NOC4L: variants seen among roughly 807,000 people sequenced by gnomAD.
NOC4L encodes nucleolar complex associated 4 homolog, also known as nucleolar complex protein 4 homolog.
Under a neutral mutation model 62.8 loss-of-function variants are expected in NOC4L, and 40 were observed. The observed-to-expected ratio is 0.64, with a 90% CI of 0.49 to 0.83. The LOEUF (loss-of-function observed/expected upper bound fraction) is 0.83, where lower values mean the gene tolerates loss of function less well. Ranked by LOEUF, NOC4L falls within the 40% of genes least tolerant of loss-of-function variation. NOC4L has a pLI of 0.00. For synonymous variants in NOC4L, 433 were observed against 299.8 expected (o/e 1.44, Z -4.59); for missense variants, 927 against 701.9 (o/e 1.32, Z -3.62).
rs542340436 is a variant in NOC4L at position 132,152,292 on chromosome 12, G to A, written c.1442G>A (p.Arg481Gln). ...CTTTGTGCTTTGCAGATCTTTGAGC[G>A]GGACCTGAAGAAGAAGGGGCCCGAG... Reference protein sequence around the residue: ...LELTAYEIFERDLKKKGPEPV... With the variant: ...LELTAYEIFEQDLKKKGPEPV... The change falls in exon 15 of 15, where the codon CGG becomes CAG. Residue 481 changes from arginine to glutamine, a missense_variant. Physicochemically the swap from Arg to Gln is conservative, Grantham distance 43. Coordinates refer to ENST00000330579, the MANE Select transcript of NOC4L (RefSeq NM_024078.3). 63 of 1,563,694 alleles carry A rather than the reference G, an allele frequency of 4.0e-5. No homozygotes were observed. Among genetic ancestry groups the A allele is most frequent in the Admixed American group, 1.3e-4 (7 of 52,754 alleles).
rs775210227 is a variant in NOC4L, at chr12:132,147,874, C to A, written c.604-6C>A. ...GGCGTCCAGGCACTCAGGCCAGGCT[C>A]CGCAGGTGCCCCCCGCCTTTTGGAA... is the stretch of plus-strand genomic sequence containing the variant. On this transcript the variant is annotated splice_region_variant and splice_polypyrimidine_tract_variant and intron_variant, in intron 5 of 14. Coordinates refer to ENST00000330579, the MANE Select transcript of NOC4L (RefSeq NM_024078.3). The A allele has an allele frequency of 3.1e-6, 5 of 1,609,444 alleles. No individual in the cohort carries two copies. The highest frequency in any genetic ancestry group is 3.4e-6 in the Non-Finnish European group (4 of 1,179,550).
At chr12:132,152,010 C>G (rs1210258263) in intron 13 of NOC4L, 74 bp from the exon 14 acceptor site, 2 of 1,426,340 alleles carry the variant, frequency 1.4e-6, no homozygotes, top group African/African-American at 2.9e-5. Flanking sequence ...TGGTTGGGAG[C>G]ACAGGGAGGC....
chr12:132,147,501 C>G (rs1433830347), intron 4 of NOC4L, 113 bp downstream of exon 4: 3 of 1,433,530 alleles, frequency 2.1e-6, no homozygotes, highest in African/African-American at 1.4e-5. Flanking sequence ...GGCTGGGACA[C>G]TCCTGTGGCT....
At position 132,151,112 on chromosome 12, in the gene NOC4L, C is replaced by T. The variant is rs1011499847; in HGVS notation, c.962+71C>T. ...CCTGCTCCTCTGTCCCCTTCCCACC[C>T]TGCCCCACGGGGTCCCCGCTTTCCT... On this transcript the variant is annotated intron_variant, in intron 10 of 14. Transcript: ENST00000330579. The T allele has an allele frequency of 4.0e-6, 6 of 1,494,930 alleles. No individual in the cohort carries two copies. In the African/African-American group the frequency reaches 4.1e-5, roughly 10 times the overall value. 92.6% of individuals were successfully genotyped at this position (1,494,930 alleles called of 1,614,324 possible).
intron 10 of NOC4L, 79 bp downstream of exon 10, chr12:132,151,120 C>T (rs575638590): frequency 1.5e-5 from 22 of 1,466,120 alleles, no homozygotes; most frequent in Admixed American, 5.2e-5. Flanking sequence ...CCCTGCCCCA[C>T]GGGGTCCCCG....
In NOC4L at chr12:132,148,790, C is replaced by G. The variant is rs1897829246; in HGVS notation, c.796C>G (p.Leu266Val). Residue 266 changes from leucine (L) to valine (V), a missense_variant, in exon 9 of 15, where the codon CTC (leucine) becomes GTC (valine). Physicochemically the swap from Leu to Val is conservative, Grantham distance 32. Coordinates refer to ENST00000330579, the MANE Select transcript of NOC4L (RefSeq NM_024078.3). The part of the protein sequence containing the change: ...WLSFLKHKLP[L>V]SLYKKVLLIV... ...CCTGCCGGCCCCCGCCCAGCTGCCC[C>G]TCAGCCTCTACAAGAAGGTGCTGCT... The G allele has an allele frequency of 3.8e-6, 6 of 1,585,364 alleles. No homozygotes were observed. The highest frequency in any genetic ancestry group is 1.4e-5 in the African/African-American group (1 of 73,836).
Position 132,151,808 on chromosome 12 carries a change from G to A in NOC4L, c.1305G>A (p.Leu435=). ...AGAGCCGGGCCTTGGAGAGCTCCCTGTGGGAGCTTCAGGTGAGGGCGCTGC... is the reference window on the plus strand; with the variant it reads ...AGAGCCGGGCCTTGGAGAGCTCCCTATGGGAGCTTCAGGTGAGGGCGCTGC... ...PAQSRALESS[L]WELQALQRHY... The change falls in exon 13 of 15, where the codon CTG becomes CTA. Residue 435 remains leucine, a synonymous_variant. Transcript: ENST00000330579. The A allele has an allele frequency of 1.2e-6, 2 of 1,611,794 alleles. No homozygotes were observed. Among genetic ancestry groups the A allele is most frequent in the South Asian group, 1.1e-5 (1 of 91,080 alleles).
At position 132,151,286 on chromosome 12, in the gene NOC4L, T is replaced by C; in HGVS notation, c.991T>C (p.Tyr331His). ...LEYPDFYRKL[Y>H]GLLDPSVFHV... is the part of the protein sequence containing the mutation. Reference sequence around the variant, plus strand: ...GTACCCTGACTTCTACCGGAAGCTCTACGGCCTCTTGGACCCCTCTGTCTT... The same window carrying C: ...GTACCCTGACTTCTACCGGAAGCTCCACGGCCTCTTGGACCCCTCTGTCTT... The change falls in exon 11 of 15, where the codon TAC (tyrosine) becomes CAC (histidine). Residue 331 changes from tyrosine to histidine, a missense_variant. Coordinates refer to ENST00000330579, the MANE Select transcript of NOC4L (RefSeq NM_024078.3). 1 of 1,611,992 alleles carries C rather than the reference T, an allele frequency of 6.2e-7. No homozygotes were observed. The highest frequency in any genetic ancestry group is 8.5e-7 in the Non-Finnish European group (1 of 1,179,938).
rs371010413 is a variant in NOC4L at position 132,150,982 on chromosome 12, G to T, written c.903G>T (p.Gly301=). The part of the protein sequence containing the change: ...IDFLTRACDL[G]GALSLLALNG... ...CAGCCTGTGTCTGTCTGTCTGCAGG[G>T]GGGGCCCTCAGCCTCTTGGCCTTGA... is the stretch of plus-strand genomic sequence containing the variant. The change falls in exon 10 of 15, where the codon GGG becomes GGT. Residue 301 remains glycine (G), a splice_region_variant and synonymous_variant. Transcript: ENST00000330579. The T allele has an allele frequency of 3.1e-6, 5 of 1,607,608 alleles. No homozygotes were observed. The highest frequency in any genetic ancestry group is 2.7e-5 in the African/African-American group (2 of 74,786).
chr12:132,145,520 TGGGCCTC>T, intron 2 of NOC4L, 32 bp from the exon 3 acceptor site: 1 of 1,392,782 alleles, frequency 7.2e-7, no homozygotes, highest in Non-Finnish European at 1.0e-6. Flanking sequence ...GTGGCGTATG[TGGGCCTC>T]ACGTGGGCTG....
Position 132,150,637 on chromosome 12 carries a change from C to T in NOC4L, c.902-344C>T, listed in dbSNP as rs1489382250. ...TGCCGCCGCCTCGCTCATACCACACCCCTAATCCCCTCGGTGAGTGCCGCC... is the reference window on the plus strand; with the variant it reads ...TGCCGCCGCCTCGCTCATACCACACTCCTAATCCCCTCGGTGAGTGCCGCC... On this transcript the variant is annotated intron_variant, in intron 9 of 14. Transcript: ENST00000330579. Among the ~76,000 whole-genome samples, 9 of 1,510 alleles carry T rather than the reference C, an allele frequency of 6.0e-3. 4 individuals are homozygous for T. In the South Asian group the frequency reaches 0.062, roughly 10 times the overall value. 1.0% of individuals were successfully genotyped at this position (1,510 alleles called of 152,430 possible). A position where few individuals can be genotyped will look rare whatever the true frequency, so the allele number is the denominator to read the frequency against.
Position 132,151,452 on chromosome 12 carries a change from G to A in NOC4L, c.1074-32G>A, listed in dbSNP as rs200991232. The A allele has an allele frequency of 1.5e-4, 234 of 1,599,818 alleles. 1 individual carries two copies. The Middle Eastern group carries it at 2.0e-3, about 14-fold the overall frequency. On this transcript the variant is annotated intron_variant, in intron 11 of 14. Transcript: ENST00000330579. ...GGAGGGTGGTGGGGGCTAGCAGTCCGGGCCCTGTCTCACAACCACTGCCCT... is the reference window on the plus strand; with the variant it reads ...GGAGGGTGGTGGGGGCTAGCAGTCCAGGCCCTGTCTCACAACCACTGCCCT...
Position 132,144,591 on chromosome 12 carries a change from CT to C in NOC4L, c.104del (p.Leu35ArgfsTer44). 1 of 1,520,956 alleles carries C rather than the reference CT, an allele frequency of 6.6e-7. No individual in the cohort carries two copies. The highest frequency in any genetic ancestry group is 1.4e-5 in the African/African-American group (1 of 71,580). The allele number at this position is 1,520,956 out of a possible 1,614,324, so 94.2% of individuals were successfully genotyped here. On this transcript the variant is annotated frameshift_variant, in exon 1 of 15. Transcript: ENST00000330579. LOFTEE classifies it high-confidence loss of function. Reference protein sequence around the residue: ...RSEANAVFDILAVLQSEDQEE... With the variant: ...RSEANAVFDIXAVLQSEDQEE... ...TGAGGCCAACGCCGTGTTCGACATCCTGGCCGTGCTGCAGGTGGGCCTGGCG... is the reference window on the plus strand; with the variant it reads ...TGAGGCCAACGCCGTGTTCGACATCCGGCCGTGCTGCAGGTGGGCCTGGCG...
chr12:132,151,588 A>T lies in NOC4L; in HGVS notation c.1178A>T (p.Asn393Ile). 6.2e-7 allele frequency: 1 copy of T among 1,610,978 alleles called. No individual in the cohort carries two copies. Among genetic ancestry groups the T allele is most frequent in the East Asian group, 2.2e-5 (1 of 44,794 alleles). ...CTCATGGTCCTGCCTTTCATCTGTA[A>T]CCTGCTGCGCCGGCACCCTGCCTGC... ...ALLMVLPFICNLLRRHPACRV... is the reference protein window; with the variant it reads ...ALLMVLPFICILLRRHPACRV... Residue 393 changes from asparagine (N) to isoleucine (I), a missense_variant, in exon 12 of 15, where the codon AAC becomes ATC. Physicochemically the swap from Asn to Ile is moderately radical, Grantham distance 149 (BLOSUM62 -3). Transcript: ENST00000330579.
chr12:132,146,264 C>T (rs1170790425), intron 3 of NOC4L: 12 of 455,878 alleles, frequency 2.6e-5, no homozygotes, highest in South Asian at 9.3e-5. Flanking sequence ...GGGGATCATA[C>T]GGTATGTGGC....
chr12:132,151,739 G>A lies in NOC4L; in HGVS notation c.1236G>A (p.Glu412=). Residue 412 remains glutamate (E), a splice_region_variant and synonymous_variant, in exon 13 of 15, where the codon GAG becomes GAA. Coordinates refer to ENST00000330579, the MANE Select transcript of NOC4L (RefSeq NM_024078.3). ...RVLVHRPHGP[E]LDADPYDPGE... ...CAAGGGCCCACGTCTCATTCCTAGA[G>A]TTGGACGCCGACCCCTACGACCCTG... 6.2e-7 allele frequency: 1 copy of A among 1,612,454 alleles called. No individual in the cohort carries two copies. Among genetic ancestry groups the A allele is most frequent in the Non-Finnish European group, 8.5e-7 (1 of 1,179,834 alleles).
intron 1 of NOC4L, 27 bp downstream of exon 1, chr12:132,144,632 G>A: frequency 1.4e-6 from 2 of 1,479,574 alleles, no homozygotes; most frequent in Non-Finnish European, 1.8e-6. Context: ...CGCAGGGCCG[G>A]AGTCGCGGCA....
At chr12:132,144,769 G>A in intron 1 of NOC4L, 85 bp from the exon 2 acceptor site, 1 of 1,521,288 alleles carries the variant, frequency 6.6e-7, no homozygotes, top group South Asian at 1.2e-5. Flanking sequence ...CGTCCCGAGG[G>A]GGAAGGGAAC....
Position 132,148,059 on chromosome 12 carries a change from G to T in NOC4L, c.704-13G>T, listed in dbSNP as rs957880038. ...TGCGGGTCAGGTGACCTTTGCCCTC[G>T]CTTTCCCTGCAGAGCTGTGGGACAC... On this transcript the variant is annotated splice_polypyrimidine_tract_variant and intron_variant, in intron 6 of 14. Transcript: ENST00000330579. 6.2e-7 allele frequency: 1 copy of T among 1,613,490 alleles called. No individual in the cohort carries two copies. The highest frequency in any genetic ancestry group is 2.2e-5 in the East Asian group (1 of 44,888).
Sources: gnomAD v4.1 joint callset for allele counts (sites outside exome capture counted in the v4.1 genomes callset) on GRCh38, gnomAD v4.1.1 for gene constraint, MANE v1.5 for transcripts, NCBI Gene and HGNC (gene_info 2026-07-23, HGNC 2026-07-21) for gene names.